Variants in EDNRB observed in about 807,000 individuals in gnomAD.
EDNRB encodes endothelin receptor type B.
Under a neutral mutation model 46.4 loss-of-function variants are expected in EDNRB, and 18 were observed. The observed-to-expected ratio is 0.39, with a 90% CI of 0.27 to 0.57. The LOEUF is 0.57. Among genes scored for constraint, EDNRB ranks in the 20% least tolerant of loss-of-function variants. EDNRB has a pLI of 0.61. For synonymous variants in EDNRB, 213 were observed against 204.9 expected, an observed-to-expected ratio of 1.04 and a Z score of -0.34; for missense variants, 434 against 537.5, an observed-to-expected ratio of 0.81 and a Z score of 1.90.
At chr13:77,933,317 A>G (rs926575557) in intron 1 of EDNRB, among the ~76,000 whole-genome samples, 1 of 151,864 alleles carries the variant, frequency 6.6e-6, no homozygotes, top group African/African-American at 2.4e-5. Context: ...GTCCGAAAAG[A>G]GAGTCAGCGA....
intron 1 of EDNRB, among the ~76,000 whole-genome samples, chr13:77,941,780 C>T (rs1371029493): frequency 6.6e-6 from 1 of 152,186 alleles, no homozygotes; most frequent in Non-Finnish European, 1.5e-5. Context: ...TAAATATTCA[C>T]TCAACATTTG....
intron 1 of EDNRB, among the ~76,000 whole-genome samples, chr13:77,956,682 A>G (rs1881250446): frequency 6.6e-6 from 1 of 152,240 alleles, no homozygotes; most frequent in Non-Finnish European, 1.5e-5. Flanking sequence ...TTACTGGGCT[A>G]AAATCAAGGC....
intron 1 of EDNRB, among the ~76,000 whole-genome samples, chr13:77,935,024 C>A (rs1366017375): frequency 6.8e-6 from 1 of 148,072 alleles, no homozygotes; most frequent in Non-Finnish European, 1.5e-5. Flanking sequence ...GGGCCAGAAA[C>A]AATGGTAATT....
chr13:77,968,342 T>C (rs1388878204), intron 1 of EDNRB, among the ~76,000 whole-genome samples: 1 of 152,190 alleles, frequency 6.6e-6, no homozygotes, highest in African/African-American at 2.4e-5. Context: ...TCACTTTAAT[T>C]ATATGTTTAC....
intron 1 of EDNRB, among the ~76,000 whole-genome samples, chr13:77,964,619 G>T (rs546187944): frequency 6.6e-6 from 1 of 152,246 alleles, no homozygotes; most frequent in South Asian, 2.1e-4. Flanking sequence ...CACACACCGG[G>T]GCCTGTCATG....
rs1238882036 is a variant in EDNRB at position 77,918,066 on chromosome 13, C to T, written c.483+25G>A. The T allele has an allele frequency of 6.2e-7, 1 of 1,613,756 alleles. No individual in the cohort carries two copies. The highest frequency in any genetic ancestry group is 8.5e-7 in the Non-Finnish European group (1 of 1,180,034). On this transcript the variant is annotated intron_variant, in intron 1 of 6. Coordinates refer to ENST00000646607, the MANE Select transcript of EDNRB (RefSeq NM_001122659.3). This position sits in a 1 kb window ranked among gnomAD's most constrained non-coding sequence, Gnocchi z 4.5. ...ACCAGGCCCCCTTCCTCAAGCCCAC[C>T]ATGATTTCAGCAGGCGCCCTTTACC...
At chr13:77,970,610 C>T (rs1881701587) in intron 1 of EDNRB, among the ~76,000 whole-genome samples, 1 of 151,958 alleles carries the variant, frequency 6.6e-6, no homozygotes, top group Non-Finnish European at 1.5e-5. Flanking sequence ...ATTATTTTGG[C>T]TAACACTTTA....
At chr13:77,944,538 A>C (rs1462024332) in intron 1 of EDNRB, among the ~76,000 whole-genome samples, 1 of 152,132 alleles carries the variant, frequency 6.6e-6, no homozygotes, top group Non-Finnish European at 1.5e-5. Context: ...CATTTACTAG[A>C]GGAGATAAAT....
At chr13:77,946,493 C>T (rs757236444) in intron 1 of EDNRB, among the ~76,000 whole-genome samples, 16 of 152,050 alleles carry the variant, frequency 1.1e-4, no homozygotes, top group Non-Finnish European at 2.1e-4. Context: ...TAAGATTTGC[C>T]TTACTACCCA....
At chr13:77,903,459 A>G (rs1879108729) in intron 2 of EDNRB, 36 bp downstream of exon 2, 2 of 1,601,132 alleles carry the variant, frequency 1.2e-6, no homozygotes, top group South Asian at 2.2e-5. Context: ...AATAGTATAT[A>G]TTCAGAATAT....
intron 1 of EDNRB, among the ~76,000 whole-genome samples, chr13:77,970,573 C>T (rs1202133788): frequency 1.3e-5 from 2 of 151,948 alleles, no homozygotes; most frequent in African/African-American, 2.4e-5. Flanking sequence ...TCTCAGGGGG[C>T]TATTTATTAT....
chr13:77,974,723 C>A (rs1881835818), intron 1 of EDNRB, among the ~76,000 whole-genome samples: 1 of 152,072 alleles, frequency 6.6e-6, no homozygotes, highest in Non-Finnish European at 1.5e-5. Context: ...TGTACGGGAA[C>A]TGGTCTGGGT....
At chr13:77,955,756 A>G (rs2137678730) in intron 1 of EDNRB, among the ~76,000 whole-genome samples, 1 of 152,128 alleles carries the variant, frequency 6.6e-6, no homozygotes, top group East Asian at 1.9e-4. Flanking sequence ...CATTCTTGAC[A>G]TCCTTGTTAA....
At chr13:77,954,465 C>A (rs1168288869) in intron 1 of EDNRB, among the ~76,000 whole-genome samples, 2 of 149,968 alleles carry the variant, frequency 1.3e-5, no homozygotes, top group African/African-American at 4.9e-5. Flanking sequence ...GCAGGATTTT[C>A]TTTTTTAAGA....
chr13:77,966,849 G>A (rs1052301895), intron 1 of EDNRB, among the ~76,000 whole-genome samples: 5 of 152,152 alleles, frequency 3.3e-5, no homozygotes, highest in African/African-American at 1.2e-4. Context: ...AGCTACAAAT[G>A]TATTGGAGTA....
intron 1 of EDNRB, chr13:77,939,596 A>C (rs1186471782): frequency 6.6e-6 from 1 of 152,222 alleles, no homozygotes; most frequent in East Asian, 1.9e-4. Context: ...TTGCAAATTA[A>C]ATGAGATAAT....
intron 1 of EDNRB, among the ~76,000 whole-genome samples, chr13:77,968,426 G>A (rs1881639494): frequency 6.6e-6 from 1 of 151,968 alleles, no homozygotes; most frequent in South Asian, 2.1e-4. Context: ...CTAGGCCCTA[G>A]TGCTTACATA....
chr13:77,959,664 G>A (rs150588371), intron 1 of EDNRB, among the ~76,000 whole-genome samples: 215 of 152,290 alleles, frequency 1.4e-3, no homozygotes, highest in African/African-American at 4.5e-3. Flanking sequence ...TCAGCTCTTC[G>A]CCAGCAATGG....
chr13:77,966,143 C>A (rs989946792), intron 1 of EDNRB, among the ~76,000 whole-genome samples: 4 of 152,130 alleles, frequency 2.6e-5, no homozygotes, highest in African/African-American at 9.7e-5. Context: ...CATACCTTGG[C>A]CTCCCAAAGT....
Sources: gnomAD v4.1 joint callset for allele counts (sites outside exome capture counted in the v4.1 genomes callset) on GRCh38, gnomAD v4.1.1 for gene constraint, Gnocchi (gnomAD v3.1) non-coding constraint, MANE v1.5 for transcripts, NCBI Gene and HGNC (gene_info 2026-07-23, HGNC 2026-07-21) for gene names.